Variants in FAF1 observed in about 807,000 individuals in gnomAD.
The protein encoded by FAF1 is Fas associated factor 1.
FAF1 carries 25 observed loss-of-function variants against 92.5 expected under a neutral mutation model. The observed-to-expected ratio is 0.27, with a 90% CI of 0.20 to 0.38. The LOEUF is 0.38. Ranked by LOEUF, FAF1 falls within the 10% of genes least tolerant of loss-of-function variation. FAF1 has a pLI of 1.00. For missense variants in FAF1, 636 were observed against 793.3 expected, an observed-to-expected ratio of 0.80 and a Z score of 2.38; for synonymous variants, 234 against 273.2, an observed-to-expected ratio of 0.86 and a Z score of 1.42.
At chr1:50,459,719 C>T (rs2148987192) in intron 18 of FAF1, among the ~76,000 whole-genome samples, 1 of 152,284 alleles carries the variant, frequency 6.6e-6, no homozygotes, top group South Asian at 2.1e-4. Flanking sequence ...ATCTGGTCTC[C>T]CTTTTCCAGG....
chr1:50,511,677 T>C (rs1647137009), intron 15 of FAF1, among the ~76,000 whole-genome samples: 1 of 152,204 alleles, frequency 6.6e-6, no homozygotes, highest in African/African-American at 2.4e-5. Flanking sequence ...TTCCAAGTCT[T>C]GGCTACTGTG....
At chr1:50,722,806 C>A (rs756210653) in intron 6 of FAF1, among the ~76,000 whole-genome samples, 2 of 152,142 alleles carry the variant, frequency 1.3e-5, no homozygotes, top group African/African-American at 4.8e-5. Context: ...TCTCTAAAAT[C>A]CTATAAGGCA....
chr1:50,939,124 G>A (rs1324572663), intron 1 of FAF1, among the ~76,000 whole-genome samples: 1 of 152,136 alleles, frequency 6.6e-6, no homozygotes, highest in Non-Finnish European at 1.5e-5. Flanking sequence ...AGTTTGATAG[G>A]AATAGCACTG....
At chr1:50,841,280 C>T (rs1644253577) in intron 2 of FAF1, among the ~76,000 whole-genome samples, 1 of 151,964 alleles carries the variant, frequency 6.6e-6, no homozygotes, top group Admixed American at 6.6e-5. Flanking sequence ...TATTTTCTCT[C>T]ATCTATAGGC....
intron 1 of FAF1, among the ~76,000 whole-genome samples, chr1:50,859,345 A>T (rs1003792007): frequency 6.6e-6 from 1 of 151,924 alleles, no homozygotes; most frequent in Admixed American, 6.6e-5. Flanking sequence ...AAATAATATG[A>T]TTCTGTATCT....
chr1:50,689,261 T>G (rs1166442689), intron 7 of FAF1, among the ~76,000 whole-genome samples: 1 of 152,122 alleles, frequency 6.6e-6, no homozygotes, highest in African/African-American at 2.4e-5. Flanking sequence ...ATAGCAATTC[T>G]ACTCCTAGAT....
At chr1:50,490,456 GAAGGAAA>G in intron 17 of FAF1, 125 bp downstream of exon 17, 1 of 276,648 alleles carries the variant, frequency 3.6e-6, no homozygotes, top group Non-Finnish European at 7.4e-6. Context: ...AGGAAGGAAG[GAAGGAAA>G]AAGAAAGAAG....
chr1:50,620,588 G>C (rs1653147453), intron 8 of FAF1, among the ~76,000 whole-genome samples: 1 of 152,176 alleles, frequency 6.6e-6, no homozygotes, highest in Non-Finnish European at 1.5e-5. Flanking sequence ...AACCATTGTT[G>C]GGAAACTAGT....
chr1:50,588,653 G>A (rs1302708564), intron 9 of FAF1, among the ~76,000 whole-genome samples: 3 of 152,184 alleles, frequency 2.0e-5, no homozygotes, highest in African/African-American at 7.2e-5. Context: ...TGTCAGCCTA[G>A]ACAGTTAAGA....
At chr1:50,863,189 T>C (rs1288415860) in intron 1 of FAF1, among the ~76,000 whole-genome samples, 1 of 151,786 alleles carries the variant, frequency 6.6e-6, no homozygotes, top group Non-Finnish European at 1.5e-5. Flanking sequence ...TAGAATAAAA[T>C]TGGAAATCGA....
intron 7 of FAF1, among the ~76,000 whole-genome samples, chr1:50,675,863 T>C (rs1656095325): frequency 1.3e-5 from 2 of 152,234 alleles, no homozygotes; most frequent in African/African-American, 2.4e-5. Flanking sequence ...GCCATTATAG[T>C]AGCTGAAACT....
At chr1:50,951,228 T>C (rs1170891793) in intron 1 of FAF1, among the ~76,000 whole-genome samples, 1 of 152,226 alleles carries the variant, frequency 6.6e-6, no homozygotes, top group African/African-American at 2.4e-5. Flanking sequence ...AATGAGACCC[T>C]GTCTCAAACG....
At chr1:50,813,141 C>T (rs906330215) in intron 2 of FAF1, among the ~76,000 whole-genome samples, 5 of 151,908 alleles carry the variant, frequency 3.3e-5, no homozygotes, top group Non-Finnish European at 5.9e-5. Context: ...ATTAATTAAT[C>T]TGTACTCCAC....
intron 1 of FAF1, among the ~76,000 whole-genome samples, chr1:50,864,499 T>C (rs1380774477): frequency 6.2e-4 from 94 of 151,912 alleles, no homozygotes; most frequent in African/African-American, 1.9e-3. Flanking sequence ...GAGATATAGA[T>C]CAATGGAACA....
chr1:50,598,618 A>C (rs1273869100), intron 8 of FAF1, among the ~76,000 whole-genome samples: 2 of 152,122 alleles, frequency 1.3e-5, no homozygotes, highest in African/African-American at 4.8e-5. Flanking sequence ...GTCCATTTGA[A>C]GTTTTTTCTT....
intron 2 of FAF1, among the ~76,000 whole-genome samples, chr1:50,809,490 C>T (rs538096982): frequency 6.6e-6 from 1 of 152,174 alleles, no homozygotes; most frequent in East Asian, 1.9e-4. Flanking sequence ...GAACATCTCT[C>T]TATGCACAAA....
At chr1:50,693,999 T>TTA (rs3033489) in intron 7 of FAF1, among the ~76,000 whole-genome samples, 18 of 146,952 alleles carry the variant, frequency 1.2e-4, no homozygotes, top group Admixed American at 4.0e-4. Flanking sequence ...ATATGTGTCA[T>TTA]TATATATATA....
intron 8 of FAF1, among the ~76,000 whole-genome samples, chr1:50,604,691 A>T (rs1348266912): frequency 6.6e-6 from 1 of 151,972 alleles, no homozygotes; most frequent in East Asian, 1.9e-4. Flanking sequence ...AATTTTTTGT[A>T]GAAATGAGGG....
At chr1:50,608,213 C>T (rs1165397224) in intron 8 of FAF1, among the ~76,000 whole-genome samples, 4 of 152,190 alleles carry the variant, frequency 2.6e-5, no homozygotes, top group African/African-American at 9.7e-5. Context: ...GGGGCAGTAA[C>T]TTCTGGGTGT....
Sources: allele counts gnomAD v4.1 joint callset (sites outside exome capture counted in the v4.1 genomes callset), GRCh38; gene constraint gnomAD v4.1.1; transcripts MANE v1.5; gene names NCBI Gene and HGNC (gene_info 2026-07-23, HGNC 2026-07-21).